LGR4: variants seen among roughly 807,000 people sequenced by gnomAD.
LGR4 encodes the protein leucine-rich repeat-containing G protein-coupled receptor 4.
Under a neutral mutation model 84.8 loss-of-function variants are expected in LGR4, and 44 were observed. The observed-to-expected ratio is 0.52, with a 90% confidence interval of 0.41 to 0.67. LGR4 has a LOEUF of 0.67. Ranked by LOEUF, LGR4 falls within the 30% of genes least tolerant of loss-of-function variation. The probability of loss-of-function intolerance (pLI) is 0.00; values close to 1 mark genes in which losing one functional copy is unlikely to be tolerated. For synonymous variants in LGR4, 429 were observed against 434.3 expected (o/e 0.99, Z 0.15); for missense variants, 1,032 against 1,131.4 (o/e 0.91, Z 1.26).
intron 2 of LGR4, among the ~76,000 whole-genome samples, chr11:27,400,257 A>G (rs1345620558): frequency 6.6e-6 from 1 of 152,266 alleles, no homozygotes; most frequent in Non-Finnish European, 1.5e-5. Flanking sequence ...TATTTCAAAT[A>G]AGGGGTACTC....
chr11:27,371,506 T>C, intron 17 of LGR4, 109 bp downstream of exon 17: 1 of 762,488 alleles, frequency 1.3e-6, no homozygotes, highest in Non-Finnish European at 2.2e-6. Flanking sequence ...CACAGGATCC[T>C]CTAGTACCAT....
intron 1 of LGR4, among the ~76,000 whole-genome samples, chr11:27,414,301 T>C (rs1218363402): frequency 6.6e-6 from 1 of 151,728 alleles, no homozygotes; most frequent in Non-Finnish European, 1.5e-5. Flanking sequence ...TTGAGTCCCA[T>C]CAAGCTTAAA....
intron 1 of LGR4, among the ~76,000 whole-genome samples, chr11:27,459,288 T>C (rs1213635912): frequency 6.6e-6 from 1 of 152,142 alleles, no homozygotes; most frequent in Non-Finnish European, 1.5e-5. Context: ...TCTACATGTC[T>C]GAAAAACAAT....
intron 4 of LGR4, among the ~76,000 whole-genome samples, chr11:27,387,169 A>G (rs962405396): frequency 3.9e-5 from 6 of 152,240 alleles, no homozygotes; most frequent in Non-Finnish European, 7.3e-5. Flanking sequence ...CTTGTAGATA[A>G]TTACCTGCAA....
At position 27,458,759 on chromosome 11, in the gene LGR4, G is replaced by A. The variant is rs185557071; in HGVS notation, c.185+13359C>T. ...TCACCATGTTGGCCAGGCTGGTCTC[G>A]AACTCCTGACCTCAGGTGATCCGCC... On this transcript the variant is annotated intron_variant, in intron 1 of 17. Transcript: ENST00000379214. 8.6e-5 allele frequency among the ~76,000 whole-genome samples: 13 copies of A among 152,038 alleles called. No individual in the cohort carries two copies. The East Asian group carries it at 1.2e-3, about 14-fold the overall frequency.
intron 2 of LGR4, among the ~76,000 whole-genome samples, chr11:27,400,301 G>A (rs753195294): frequency 6.6e-6 from 1 of 152,026 alleles, no homozygotes; most frequent in Non-Finnish European, 1.5e-5. Context: ...CCTGTGTCAT[G>A]GGTCAAGCAA....
At chr11:27,374,149 A>T (rs1253757410) in intron 13 of LGR4, 103 bp from the exon 14 acceptor site, 2 of 756,150 alleles carry the variant, frequency 2.6e-6, no homozygotes, top group East Asian at 5.0e-5. Flanking sequence ...AATATCGCTG[A>T]TAAGATAACA....
At chr11:27,413,245 G>A (rs1565084561) in intron 1 of LGR4, among the ~76,000 whole-genome samples, 1 of 152,058 alleles carries the variant, frequency 6.6e-6, no homozygotes, top group Admixed American at 6.6e-5. Flanking sequence ...TTATAGGTGA[G>A]GGTGGCTTCT....
At chr11:27,428,303 A>AT in intron 1 of LGR4, among the ~76,000 whole-genome samples, 1 of 151,872 alleles carries the variant, frequency 6.6e-6, no homozygotes, top group East Asian at 1.9e-4. Context: ...CGTCTGGCTA[A>AT]TTTTTTTGTA....
chr11:27,387,284 G>A (rs1268660766), intron 4 of LGR4, among the ~76,000 whole-genome samples: 1 of 152,074 alleles, frequency 6.6e-6, no homozygotes, highest in African/African-American at 2.4e-5. Context: ...TTCCAGTGGC[G>A]GAGGTAACAT....
rs1396758062 is a variant in LGR4 at position 27,372,398 on chromosome 11, C to T, written c.1380G>A (p.Arg460=). ...ALAAKDFVNL[R]SLSVPYAYQC... ...GATAAGCATATGGTACTGATAAAGACCTGGAAAAAAAAGTTGTAAAATCTA... is the reference window on the plus strand; with the variant it reads ...GATAAGCATATGGTACTGATAAAGATCTGGAAAAAAAAGTTGTAAAATCTA... Residue 460 remains arginine (R), a splice_region_variant and synonymous_variant, in exon 16 of 18, where the codon AGG becomes AGA. Transcript: ENST00000379214. 2 of 1,583,356 alleles carry T rather than the reference C, an allele frequency of 1.3e-6. No homozygotes were observed. The highest frequency in any genetic ancestry group is 1.7e-6 in the Non-Finnish European group (2 of 1,153,588).
At chr11:27,394,972 AC>A (rs1296301717) in intron 2 of LGR4, among the ~76,000 whole-genome samples, 1 of 152,104 alleles carries the variant, frequency 6.6e-6, no homozygotes, top group African/African-American at 2.4e-5. Flanking sequence ...GAAAATGCTC[AC>A]CATTCCGATG....
intron 1 of LGR4, among the ~76,000 whole-genome samples, chr11:27,451,952 A>G (rs1236577373): frequency 6.6e-6 from 1 of 152,238 alleles, no homozygotes; most frequent in Non-Finnish European, 1.5e-5. Flanking sequence ...TTTAGAACAT[A>G]AAAGAGAATT....
At chr11:27,467,566 C>CAAAAAAAAAAAAAAAAA (rs761925670) in intron 1 of LGR4, among the ~76,000 whole-genome samples, 1 of 51,834 alleles carries the variant, frequency 1.9e-5, no homozygotes, top group African/African-American at 5.2e-5. Context: ...GAGTCCGTCT[C>CAAAAAAAAAAAAAAAAA]AAAAAAAAAA....
intron 1 of LGR4, among the ~76,000 whole-genome samples, chr11:27,466,341 T>G (rs1228443702): frequency 6.6e-6 from 1 of 152,196 alleles, no homozygotes; most frequent in Non-Finnish European, 1.5e-5. Context: ...TCTACTCAGA[T>G]TCACAGAAAT....
intron 1 of LGR4, among the ~76,000 whole-genome samples, chr11:27,440,231 C>G (rs909524573): frequency 3.9e-5 from 6 of 152,068 alleles, no homozygotes; most frequent in Admixed American, 1.3e-4. Flanking sequence ...TACAATGCAT[C>G]TTGACCACAG....
intron 1 of LGR4, among the ~76,000 whole-genome samples, chr11:27,450,045 A>T (rs1864455969): frequency 6.6e-6 from 1 of 152,218 alleles, no homozygotes; most frequent in Non-Finnish European, 1.5e-5. Context: ...GTTAAGTCTG[A>T]TGAATGTGAT....
Position 27,376,393 on chromosome 11 carries a change from AGAAGAC to A in LGR4, c.1110-29_1110-24del, listed in dbSNP as rs1196123112. 6 of 1,273,464 alleles carry A rather than the reference AGAAGAC, an allele frequency of 4.7e-6. No homozygotes were observed. The South Asian group carries it at 8.1e-5, about 17-fold the overall frequency. 78.9% of individuals were successfully genotyped at this position (1,273,464 alleles called of 1,614,324 possible). A position where few individuals can be genotyped will look rare whatever the true frequency, so the allele number is the denominator to read the frequency against. ...GAACTAAATAAAAAAAGAAGAAGAA[AGAAGAC>A]GAAGACAAAGACAAAGAAGAGAACA... On this transcript the variant is annotated intron_variant, in intron 12 of 17. Coordinates refer to ENST00000379214, the MANE Select transcript of LGR4 (RefSeq NM_018490.5).
chr11:27,412,971 A>G, intron 1 of LGR4, 111 bp from the exon 2 acceptor site: 2 of 699,104 alleles, frequency 2.9e-6, no homozygotes, highest in East Asian at 2.6e-5. Flanking sequence ...AGCATAGAAG[A>G]CACATAGAAA....
Sources: allele counts gnomAD v4.1 joint callset (sites outside exome capture counted in the v4.1 genomes callset), GRCh38; gene constraint gnomAD v4.1.1; transcripts MANE v1.5; gene names NCBI Gene and HGNC (gene_info 2026-07-23, HGNC 2026-07-21).